ROBO1: variants seen among roughly 807,000 people sequenced by gnomAD.
ROBO1 encodes roundabout homolog 1.
A neutral mutation model predicts 195.9 loss-of-function variants in ROBO1; 149 were observed. The ratio of observed to expected loss-of-function variants is 0.76; its 90% CI spans 0.67 to 0.87. The LOEUF (loss-of-function observed/expected upper bound fraction) is 0.87, where lower values mean the gene tolerates loss of function less well. ROBO1 is among the 40% of genes least tolerant of loss of function. The pLI, the probability that ROBO1 is intolerant of heterozygous loss-of-function variation, is 0.00. For missense variants in ROBO1, 1,933 were observed against 2,068.3 expected, an observed-to-expected ratio of 0.93 and a Z score of 1.27; for synonymous variants, 816 against 733.2, an observed-to-expected ratio of 1.11 and a Z score of -1.82.
rs748995062 is a variant in ROBO1 at position 78,606,877 on chromosome 3, C to T, written c.4600G>A (p.Val1534Met). The T allele has an allele frequency of 6.2e-7, 1 of 1,613,874 alleles. No homozygotes were observed. Among genetic ancestry groups the T allele is most frequent in the East Asian group, 2.2e-5 (1 of 44,866 alleles). The change falls in exon 29 of 31, where the codon GTG becomes ATG. Residue 1534 changes from valine (V) to methionine (M), a missense_variant. By Grantham distance (21) the Val-to-Met change is conservative. This residue lies in a region of ROBO1 where 1,737 missense variants were observed against 1,882.5 expected (regional missense o/e 0.92). Coordinates refer to ENST00000464233, the MANE Select transcript of ROBO1 (RefSeq NM_002941.4). ...RKGSSYKGRE[V>M]LDGRQVVDMR... ...TCAACAACCTGTCTTCCATCCAACA[C>T]TTCTCTCCCCTTGTAACTGCTTCCT...
chr3:79,488,303 G>A (rs570264228), intron 2 of ROBO1, among the ~76,000 whole-genome samples: 1 of 152,254 alleles, frequency 6.6e-6, no homozygotes, highest in East Asian at 1.9e-4. Context: ...CCAACAAATG[G>A]AGGGGGAATT....
intron 2 of ROBO1, among the ~76,000 whole-genome samples, chr3:79,187,899 C>T (rs1323195947): frequency 6.6e-6 from 1 of 151,908 alleles, no homozygotes; most frequent in Non-Finnish European, 1.5e-5. Flanking sequence ...AGGCAGGAAA[C>T]CTAGTCTGTA....
chr3:78,663,942 A>G (rs913121645), intron 14 of ROBO1, among the ~76,000 whole-genome samples: 4 of 152,160 alleles, frequency 2.6e-5, no homozygotes, highest in African/African-American at 7.2e-5. Context: ...CACTTTATAC[A>G]TAACTGCCAT....
At chr3:79,761,129 CTAAA>C (rs1704676558) in intron 1 of ROBO1, among the ~76,000 whole-genome samples, 1 of 147,552 alleles carries the variant, frequency 6.8e-6, no homozygotes, top group Non-Finnish European at 1.5e-5. Context: ...ACCATACCTA[CTAAA>C]TATATAATAA....
rs539993031 is a variant in ROBO1, at chr3:79,367,461, A to G, written c.88+222363T>C. Among the ~76,000 whole-genome samples the G allele has an allele frequency of 4.6e-5, 7 of 152,362 alleles. No individual in the cohort carries two copies. In the South Asian group the frequency reaches 1.0e-3, roughly 23 times the overall value. On this transcript the variant is annotated intron_variant, in intron 2 of 30. Transcript: ENST00000464233. ...ATTTTATACTGCTCAAGGGTCCAAA[A>G]GATCTATGCAAGACTGAATTGGAAG...
chr3:79,740,089 T>G (rs1703570051), intron 1 of ROBO1, among the ~76,000 whole-genome samples: 1 of 150,014 alleles, frequency 6.7e-6, no homozygotes, highest in South Asian at 2.1e-4. Flanking sequence ...TATAAAATAA[T>G]AATTTACATT....
At chr3:79,765,215 C>T (rs565895777) in intron 1 of ROBO1, among the ~76,000 whole-genome samples, 1 of 152,190 alleles carries the variant, frequency 6.6e-6, no homozygotes, top group South Asian at 2.1e-4. Context: ...AAGATATGTG[C>T]GAAAAGGCTA....
intron 21 of ROBO1, among the ~76,000 whole-genome samples, chr3:78,643,532 A>T (rs574160981): frequency 6.6e-6 from 1 of 152,252 alleles, no homozygotes; most frequent in African/African-American, 2.4e-5. Flanking sequence ...AGGACACATA[A>T]GAGAATGCAA....
intron 1 of ROBO1, among the ~76,000 whole-genome samples, chr3:79,606,711 T>C (rs1373260573): frequency 6.6e-6 from 1 of 151,946 alleles, no homozygotes; most frequent in African/African-American, 2.4e-5. Flanking sequence ...CTTGATATCA[T>C]ATTTGCCAGA....
intron 3 of ROBO1, among the ~76,000 whole-genome samples, chr3:79,082,825 G>A (rs2079298994): frequency 6.6e-6 from 1 of 151,980 alleles, no homozygotes; most frequent in Non-Finnish European, 1.5e-5. Context: ...GGTATGGAGA[G>A]AGGCAGGTTG....
At position 79,370,635 on chromosome 3, in the gene ROBO1, T is replaced by TTA. The variant is rs200362374; in HGVS notation, c.88+219187_88+219188dup. Among the ~76,000 whole-genome samples the TTA allele has an allele frequency of 7.5e-4, 113 of 150,470 alleles. 1 individual carries two copies. The highest frequency in any genetic ancestry group is 7.0e-3 in the East Asian group (36 of 5,132). On this transcript the variant is annotated intron_variant, in intron 2 of 30. Coordinates refer to ENST00000464233, the MANE Select transcript of ROBO1 (RefSeq NM_002941.4). Reference sequence around the variant, plus strand: ...CTTCAACAGGGTGTTATGATGTAAGTTATATATATATATAAAAATGTTATC... The same window carrying TTA: ...CTTCAACAGGGTGTTATGATGTAAGTTATATATATATATATAAAAATGTTATC...
In ROBO1 at chr3:79,049,965, G is replaced by A. The variant is rs148349599; in HGVS notation, c.172+75491C>T. On this transcript the variant is annotated intron_variant, in intron 3 of 30. Coordinates refer to ENST00000464233, the MANE Select transcript of ROBO1 (RefSeq NM_002941.4). ...ATGCCAAATTGTCAAGACCATTGAC[G>A]CTATGAATAAACTGCATCAATTAAT... 3.7e-3 allele frequency among the ~76,000 whole-genome samples: 565 copies of A among 152,188 alleles called. 7 individuals carry two copies. Among genetic ancestry groups the A allele is most frequent in the African/African-American group, 0.013 (524 of 41,552 alleles).
intron 9 of ROBO1, 88 bp downstream of exon 9, chr3:78,688,560 G>A (rs1025173735): frequency 3.0e-6 from 4 of 1,338,532 alleles, no homozygotes; most frequent in Non-Finnish European, 4.0e-6. Flanking sequence ...ACAGCTGCAT[G>A]ACTAAGTAAT....
chr3:79,315,669 AT>A (rs1362478696), intron 2 of ROBO1, among the ~76,000 whole-genome samples: 3 of 152,316 alleles, frequency 2.0e-5, no homozygotes, highest in African/African-American at 4.8e-5. Flanking sequence ...TAACGGAAAC[AT>A]TTTTTGATAT....
chr3:78,923,700 G>A (rs1414761623), intron 4 of ROBO1, among the ~76,000 whole-genome samples: 1 of 152,120 alleles, frequency 6.6e-6, no homozygotes, highest in Non-Finnish European at 1.5e-5. Flanking sequence ...AGCTGCCCGA[G>A]AAATCTGTCC....
intron 1 of ROBO1, among the ~76,000 whole-genome samples, chr3:79,690,870 G>T (rs532379750): frequency 2.0e-5 from 3 of 151,870 alleles, no homozygotes; most frequent in Admixed American, 1.3e-4. Flanking sequence ...CCTTGTGTGA[G>T]TTCTAAAGTA....
intron 2 of ROBO1, among the ~76,000 whole-genome samples, chr3:79,514,894 A>G (rs1403504084): frequency 1.3e-5 from 2 of 152,254 alleles, no homozygotes; most frequent in Non-Finnish European, 2.9e-5. Flanking sequence ...GCTGTCTATC[A>G]AAAGAATTTC....
intron 2 of ROBO1, among the ~76,000 whole-genome samples, chr3:79,270,606 T>G (rs2108969651): frequency 6.6e-6 from 1 of 151,902 alleles, no homozygotes; most frequent in East Asian, 1.9e-4. Context: ...AAATCAAAAT[T>G]TTAGCTTGAC....
At chr3:78,861,973 C>CTTATCCTT (rs1337515981) in intron 4 of ROBO1, among the ~76,000 whole-genome samples, 1 of 152,110 alleles carries the variant, frequency 6.6e-6, no homozygotes, top group Non-Finnish European at 1.5e-5. Context: ...ACCAGCTCTC[C>CTTATCCTT]AAAGATGTCT....
Sources: allele counts gnomAD v4.1 joint callset (sites outside exome capture counted in the v4.1 genomes callset), GRCh38; gene constraint gnomAD v4.1.1; regional missense constraint gnomAD v4.1.1; transcripts MANE v1.5; gene names NCBI Gene and HGNC (gene_info 2026-07-23, HGNC 2026-07-21).